STXBP5L: variants seen among roughly 807,000 people sequenced by gnomAD.
STXBP5L encodes the protein syntaxin binding protein 5L.
STXBP5L carries 65 observed loss-of-function variants against 144.5 expected under a neutral mutation model. That is an observed-to-expected ratio of 0.45 (90% confidence interval 0.37 to 0.55). STXBP5L has a LOEUF of 0.55. STXBP5L is among the 20% of genes least tolerant of loss of function. The probability of loss-of-function intolerance (pLI) is 0.00; values close to 1 mark genes in which losing one functional copy is unlikely to be tolerated. For missense variants in STXBP5L, 1,298 were observed against 1,405.5 expected (o/e 0.92, Z 1.22); for synonymous variants, 505 against 469.6 (o/e 1.08, Z -0.97).
intron 20 of STXBP5L, among the ~76,000 whole-genome samples, chr3:121,324,106 T>A (rs565066002): frequency 6.6e-6 from 1 of 152,314 alleles, no homozygotes; most frequent in South Asian, 2.1e-4. Flanking sequence ...ACATTTATTA[T>A]GCTATCAAGT....
intron 3 of STXBP5L, among the ~76,000 whole-genome samples, chr3:121,004,918 A>T (rs1335964023): frequency 6.6e-6 from 1 of 152,172 alleles, no homozygotes; most frequent in East Asian, 1.9e-4. Flanking sequence ...ATCATGGTGG[A>T]TAAGCTTTTT....
At chr3:121,065,534 T>C (rs1258919088) in intron 5 of STXBP5L, among the ~76,000 whole-genome samples, 1 of 152,154 alleles carries the variant, frequency 6.6e-6, no homozygotes, top group Non-Finnish European at 1.5e-5. Context: ...GTTCAGTGGG[T>C]TAGGAGACTA....
At chr3:121,404,672 A>G (rs2046956764) in intron 22 of STXBP5L, among the ~76,000 whole-genome samples, 1 of 152,162 alleles carries the variant, frequency 6.6e-6, no homozygotes, top group South Asian at 2.1e-4. Flanking sequence ...TTGTAAGCTA[A>G]TAAAGTTAGG....
chr3:121,314,622 A>T (rs2043713014), intron 19 of STXBP5L, among the ~76,000 whole-genome samples: 1 of 150,780 alleles, frequency 6.6e-6, no homozygotes, highest in Non-Finnish European at 1.5e-5. Flanking sequence ...GGAGAGGGAG[A>T]GGGAGAGGGA....
Position 121,034,535 on chromosome 3 carries a change from A to G in STXBP5L, c.288-7165A>G, listed in dbSNP as rs77940357. On this transcript the variant is annotated intron_variant, in intron 3 of 26. Coordinates refer to ENST00000471454, the MANE Select transcript of STXBP5L (RefSeq NM_001308330.2). ...CTGTACCTATATCATCTATCTATCT[A>G]TCTATCTATCATCTATCTATCCATC... Among the ~76,000 whole-genome samples the G allele has an allele frequency of 3.1e-3, 467 of 151,434 alleles. 4 individuals are homozygous for G. Among genetic ancestry groups the G allele is most frequent in the African/African-American group, 0.011 (438 of 41,166 alleles).
At chr3:121,272,910 C>T (rs1327749905) in intron 18 of STXBP5L, among the ~76,000 whole-genome samples, 2 of 151,988 alleles carry the variant, frequency 1.3e-5, no homozygotes, top group African/African-American at 4.8e-5. Context: ...TGTCACTCTC[C>T]TCCAGCACAC....
In STXBP5L at chr3:121,146,956, T is replaced by C. The variant is rs79467693; in HGVS notation, c.670-5521T>C. 6.0e-3 allele frequency among the ~76,000 whole-genome samples: 906 copies of C among 152,128 alleles called. 8 individuals are homozygous for C. The highest frequency in any genetic ancestry group is 0.02 in the African/African-American group (835 of 41,544). The stretch of plus-strand genomic sequence containing the variant: ...TAATTTGATAGAACTAAAAATATTT[T>C]TAAAATTGGACAGAACTAAAATGAA... On this transcript the variant is annotated intron_variant, in intron 7 of 26. Transcript: ENST00000471454.
At chr3:120,918,695 A>G (rs1709220347) in intron 2 of STXBP5L, among the ~76,000 whole-genome samples, 1 of 152,094 alleles carries the variant, frequency 6.6e-6, no homozygotes, top group African/African-American at 2.4e-5. Flanking sequence ...AAATTCCCTT[A>G]GTTGTCCCAT....
intron 5 of STXBP5L, among the ~76,000 whole-genome samples, chr3:121,069,998 TGATTATTATTCATTTCAAA>T (rs2041734797): frequency 6.6e-6 from 1 of 152,234 alleles, no homozygotes; most frequent in Non-Finnish European, 1.5e-5. Context: ...AGTTGTGTCA[TGATTATTATTCATTTCAAA>T]GAATTTTTAA....
intron 3 of STXBP5L, among the ~76,000 whole-genome samples, chr3:121,002,067 A>G (rs766519091): frequency 6.6e-6 from 1 of 152,202 alleles, no homozygotes; most frequent in African/African-American, 2.4e-5. Flanking sequence ...CCTTTTTCAT[A>G]TATACCCAGA....
chr3:121,052,545 AC>A (rs1948098820), intron 5 of STXBP5L, among the ~76,000 whole-genome samples: 1 of 152,026 alleles, frequency 6.6e-6, no homozygotes, highest in African/African-American at 2.4e-5. Context: ...AAATTCAACA[AC>A]CCTTCATGCT....
Position 121,226,133 on chromosome 3 carries a change from C to T in STXBP5L, c.1111+2976C>T, listed in dbSNP as rs369808159. ...CCAATATGGTATTGTGGATATATTTCACACAGATACTAAGGTTGTGAGCTA... is the reference window on the plus strand; with the variant it reads ...CCAATATGGTATTGTGGATATATTTTACACAGATACTAAGGTTGTGAGCTA... On this transcript the variant is annotated intron_variant, in intron 11 of 26. Coordinates refer to ENST00000471454, the MANE Select transcript of STXBP5L (RefSeq NM_001308330.2). 1.9e-3 allele frequency among the ~76,000 whole-genome samples: 294 copies of T among 152,284 alleles called. 1 individual carries two copies. Among genetic ancestry groups the T allele is most frequent in the Non-Finnish European group, 2.3e-3 (157 of 68,034 alleles).
chr3:120,923,926 A>AT (rs542411187), intron 2 of STXBP5L, among the ~76,000 whole-genome samples: 152 of 150,290 alleles, frequency 1.0e-3, no homozygotes, highest in African/African-American at 3.2e-3. Context: ...ACTGAGAGAG[A>AT]TTTTTTTTTT....
At chr3:121,040,833 C>G (rs1947095565) in intron 3 of STXBP5L, among the ~76,000 whole-genome samples, 1 of 151,992 alleles carries the variant, frequency 6.6e-6, no homozygotes, top group Non-Finnish European at 1.5e-5. Context: ...CATTTCCTAC[C>G]TGATATGCAG....
intron 9 of STXBP5L, among the ~76,000 whole-genome samples, chr3:121,202,168 A>G (rs538604985): frequency 3.3e-4 from 51 of 152,260 alleles, no homozygotes; most frequent in Non-Finnish European, 6.6e-4. Flanking sequence ...ATATAATTGT[A>G]TGTCTTTTAA....
At chr3:121,313,129 A>T (rs1181975101) in intron 19 of STXBP5L, among the ~76,000 whole-genome samples, 1 of 121,520 alleles carries the variant, frequency 8.2e-6, no homozygotes, top group African/African-American at 3.3e-5. Context: ...GCGGCTGGCC[A>T]GGCAGAGGGG....
chr3:121,343,330 A>G (rs2044807756), intron 20 of STXBP5L, among the ~76,000 whole-genome samples: 1 of 152,122 alleles, frequency 6.6e-6, no homozygotes, highest in South Asian at 2.1e-4. Flanking sequence ...TTTGCTGTGC[A>G]GAAGCTCTTT....
At chr3:121,257,469 G>T (rs1277400740) in intron 17 of STXBP5L, 136 bp downstream of exon 17, 7 of 713,538 alleles carry the variant, frequency 9.8e-6, no homozygotes, top group African/African-American at 1.8e-5. Flanking sequence ...GGTTACTCTG[G>T]TCTTTTCTTT....
intron 7 of STXBP5L, among the ~76,000 whole-genome samples, chr3:121,127,625 C>T (rs534643508): frequency 6.6e-6 from 1 of 151,404 alleles, no homozygotes; most frequent in African/African-American, 2.4e-5. Flanking sequence ...CACCCTAAAT[C>T]CAGAATGATT....
Sources: allele counts gnomAD v4.1 joint callset (sites outside exome capture counted in the v4.1 genomes callset), GRCh38; gene constraint gnomAD v4.1.1; transcripts MANE v1.5; gene names NCBI Gene and HGNC (gene_info 2026-07-23, HGNC 2026-07-21).